The following ABCA12 variants were observed in gnomAD, a reference collection of about 807,000 sequenced individuals.
ABCA12 encodes the protein glucosylceramide transporter ABCA12.
ABCA12 carries 156 observed loss-of-function variants against 293.5 expected under a neutral mutation model. That is an observed-to-expected ratio of 0.53 (90% CI 0.47 to 0.61). The LOEUF is 0.61. Ranked by LOEUF, ABCA12 falls within the 20% of genes least tolerant of loss-of-function variation. The pLI is 0.00. For missense variants in ABCA12, 2,797 were observed against 3,090.2 expected (o/e 0.91, Z 2.25); for synonymous variants, 1,063 against 1,108.0 (o/e 0.96, Z 0.81).
chr2:215,040,449 A>T (rs534374027), intron 7 of ABCA12, among the ~76,000 whole-genome samples: 25 of 148,570 alleles, frequency 1.7e-4, no homozygotes, highest in African/African-American at 6.3e-4. Flanking sequence ...ATTATTAAAT[A>T]AAAAAAAGAC....
chr2:215,073,591 C>T (rs1406948660), intron 2 of ABCA12, among the ~76,000 whole-genome samples: 1 of 152,138 alleles, frequency 6.6e-6, no homozygotes, highest in East Asian at 1.9e-4. Context: ...GATATTCTCC[C>T]TTTCCACAGA....
intron 21 of ABCA12, 94 bp downstream of exon 21, chr2:215,001,464 C>T: frequency 6.6e-7 from 1 of 1,515,806 alleles, no homozygotes; most frequent in Non-Finnish European, 9.1e-7. Flanking sequence ...GACCCCCACA[C>T]TAGTTTTCTG....
chr2:214,952,129 C>T (rs929409047), intron 44 of ABCA12, among the ~76,000 whole-genome samples: 1 of 151,960 alleles, frequency 6.6e-6, no homozygotes, highest in African/African-American at 2.4e-5. Context: ...TGATGAGATC[C>T]CCAAAGACCC....
intron 2 of ABCA12, among the ~76,000 whole-genome samples, chr2:215,065,366 G>C (rs1701622086): frequency 1.4e-5 from 2 of 142,502 alleles, no homozygotes; most frequent in East Asian, 2.1e-4. Flanking sequence ...AAAGAGAAAG[G>C]AGAAAAGTAA....
At chr2:214,945,257 G>C (rs887861845) in intron 48 of ABCA12, among the ~76,000 whole-genome samples, 153 bp from the exon 49 acceptor site, 3 of 152,096 alleles carry the variant, frequency 2.0e-5, no homozygotes, top group Non-Finnish European at 2.9e-5. Context: ...TCTTTCTGCT[G>C]CTGTCAAAAA....
chr2:215,110,286 G>T (rs761992753), intron 2 of ABCA12, among the ~76,000 whole-genome samples: 15 of 152,262 alleles, frequency 9.9e-5, no homozygotes, highest in Non-Finnish European at 2.1e-4. Flanking sequence ...CGAGGTGGGT[G>T]GATCACAAGG....
Position 214,975,766 on chromosome 2 carries a change from T to C in ABCA12, c.5381+19A>G. ...AAGCATTTTGGAAACATTCTTTTAG[T>C]TAACAGAAAGAAACTTACGCATAGA... is the stretch of plus-strand genomic sequence containing the variant. On this transcript the variant is annotated intron_variant, in intron 34 of 52. Transcript: ENST00000272895. 1 of 1,614,002 alleles carries C rather than the reference T, an allele frequency of 6.2e-7. No homozygotes were observed. Among genetic ancestry groups the C allele is most frequent in the Non-Finnish European group, 8.5e-7 (1 of 1,179,880 alleles).
At chr2:215,002,848 T>C (rs1346574860) in intron 20 of ABCA12, among the ~76,000 whole-genome samples, 2 of 152,226 alleles carry the variant, frequency 1.3e-5, no homozygotes, top group Non-Finnish European at 2.9e-5. Flanking sequence ...TGTGTAATTA[T>C]ACAAACATAA....
rs556172328 is a variant in ABCA12, at chr2:214,950,919, A to G, written c.6812T>C (p.Ile2271Thr). The G allele has an allele frequency of 1.9e-5, 31 of 1,614,070 alleles. No individual in the cohort carries two copies. The highest frequency in any genetic ancestry group is 1.6e-4 in the Middle Eastern group (1 of 6,084). The change falls in exon 45 of 53, where the codon ATA (isoleucine) becomes ACA (threonine). Residue 2271 changes from isoleucine to threonine, a missense_variant. By Grantham distance (89) the Ile-to-Thr change is moderately conservative. Transcript: ENST00000272895. ...KTYQLIHKKI[I>T]AVNNISIGIP... ...CCCAATGCTGATGTTGTTTACAGCT[A>G]TAATCTTTTTGTGGATAAGTTGGTA...
chr2:214,942,589 TA>T (rs771460788), intron 50 of ABCA12, among the ~76,000 whole-genome samples: 14 of 152,318 alleles, frequency 9.2e-5, no homozygotes, highest in Admixed American at 5.9e-4. Flanking sequence ...TCTAATTTAT[TA>T]TTGGGTAAAC....
intron 1 of ABCA12, among the ~76,000 whole-genome samples, chr2:215,122,628 CT>C (rs557922552): frequency 1.3e-5 from 2 of 152,194 alleles, no homozygotes; most frequent in South Asian, 4.1e-4. Flanking sequence ...AAAGCTAGTT[CT>C]ATCATCAACT....
At chr2:215,024,760 T>C (rs1265371282) in intron 11 of ABCA12, among the ~76,000 whole-genome samples, 1 of 152,172 alleles carries the variant, frequency 6.6e-6, no homozygotes, top group Admixed American at 6.5e-5. Flanking sequence ...TTCACTTTAT[T>C]CCTGACTATG....
rs1158377505 is a variant in ABCA12 at position 215,103,263 on chromosome 2, C to CTTTTTTTT, written c.163+8333_163+8334insAAAAAAAA. ...ACTTTAACAATGTCTCTTAAAATTT[C>CTTTTTTTT]TTTCTTTTTTTTTTTTTTTTTTTGA... On this transcript the variant is annotated intron_variant, in intron 2 of 52. Transcript: ENST00000272895. Among the ~76,000 whole-genome samples the CTTTTTTTT allele has an allele frequency of 7.4e-5, 6 of 81,380 alleles. 1 individual carries two copies. The highest frequency in any genetic ancestry group is 2.2e-4 in the African/African-American group (6 of 26,866). The allele number at this position is 81,380 out of a possible 152,430, so 53.4% of individuals were successfully genotyped here. A position where few individuals can be genotyped will look rare whatever the true frequency, so the allele number is the denominator to read the frequency against.
chr2:214,989,419 T>C lies in ABCA12; in HGVS notation c.3739A>G (p.Thr1247Ala), dbSNP rs768763187. 30 of 1,613,440 alleles carry C rather than the reference T, an allele frequency of 1.9e-5. No homozygotes were observed. In the South Asian group the frequency reaches 3.2e-4, roughly 17 times the overall value. ...NMYTSPVQDD[T>A]TSFGWLCCLI... ...CAGCACAGCCAGCCAAATGAGGTGG[T>C]GTCATCCTGAACCGGGGAGGTGTAC... Residue 1247 changes from threonine (T) to alanine (A), a missense_variant, in exon 26 of 53, where the codon ACC becomes GCC. Physicochemically the swap from Thr to Ala is moderately conservative, Grantham distance 58. Coordinates refer to ENST00000272895, the MANE Select transcript of ABCA12 (RefSeq NM_173076.3).
chr2:215,132,306 T>C (rs1026996678), intron 1 of ABCA12, among the ~76,000 whole-genome samples: 7 of 152,054 alleles, frequency 4.6e-5, no homozygotes, highest in Admixed American at 1.3e-4. Flanking sequence ...TTTTCTGCCT[T>C]GATTATCTGT....
At chr2:215,095,965 G>A (rs1056746047) in intron 2 of ABCA12, among the ~76,000 whole-genome samples, 1 of 152,142 alleles carries the variant, frequency 6.6e-6, no homozygotes, top group Non-Finnish European at 1.5e-5. Context: ...CTGCACCCAG[G>A]TGATTAAAAG....
At chr2:215,118,821 T>C (rs113327289) in intron 1 of ABCA12, among the ~76,000 whole-genome samples, 7,286 of 152,232 alleles carry the variant, frequency 0.048, 568 homozygotes, top group African/African-American at 0.17. Flanking sequence ...TTGAGAAGTG[T>C]CTGTTCATGT....
intron 2 of ABCA12, among the ~76,000 whole-genome samples, chr2:215,073,448 C>A (rs942371514): frequency 1.3e-5 from 2 of 152,008 alleles, no homozygotes; most frequent in African/African-American, 4.8e-5. Flanking sequence ...AGCCTCTGGG[C>A]AGGTCTGAAT....
intron 5 of ABCA12, among the ~76,000 whole-genome samples, chr2:215,050,030 A>G (rs1469457651): frequency 6.6e-6 from 1 of 152,158 alleles, no homozygotes; most frequent in Non-Finnish European, 1.5e-5. Context: ...TTATTATTTA[A>G]ATGATTTATA....
Sources: allele counts gnomAD v4.1 joint callset (sites outside exome capture counted in the v4.1 genomes callset), GRCh38; gene constraint gnomAD v4.1.1; transcripts MANE v1.5; gene names NCBI Gene and HGNC (gene_info 2026-07-23, HGNC 2026-07-21).